LOC128462377: variants seen among roughly 807,000 people sequenced by gnomAD.
chr16:89,349,639 T>C, the LOC128462377 span, among the ~76,000 whole-genome samples: 1 of 152,164 alleles, frequency 6.6e-6, no homozygotes, highest in African/African-American at 2.4e-5. Context: ...CCTTATGCCA[T>C]ACACAAAAAT....
chr16:89,326,164 C>T, the LOC128462377 span, among the ~76,000 whole-genome samples: 1 of 152,188 alleles, frequency 6.6e-6, no homozygotes, highest in Non-Finnish European at 1.5e-5. Context: ...TACAATTGCA[C>T]AGCTAAAAAT....
chr16:89,413,934 T>A, the LOC128462377 span, among the ~76,000 whole-genome samples: 1 of 151,994 alleles, frequency 6.6e-6, no homozygotes. Context: ...ACCTCCAACC[T>A]GGCCACCCAG....
At chr16:89,385,074 C>T in the LOC128462377 span, among the ~76,000 whole-genome samples, 6 of 151,550 alleles carry the variant, frequency 4.0e-5, no homozygotes, top group Non-Finnish European at 5.9e-5. Context: ...TTAGTAGAGA[C>T]GATATTTCAC....
chr16:89,352,872 T>G, the LOC128462377 span, among the ~76,000 whole-genome samples: 1 of 152,216 alleles, frequency 6.6e-6, no homozygotes, highest in African/African-American at 2.4e-5. Flanking sequence ...CTTTCCCTCT[T>G]TTCTCTCACG....
chr16:89,318,885 C>G, the LOC128462377 span, among the ~76,000 whole-genome samples: 1,578 of 152,314 alleles, frequency 0.01, 24 homozygotes, highest in African/African-American at 0.035. Context: ...TCCCTGATGC[C>G]TGAGGCCAGA....
chr16:89,381,780 C>A, the LOC128462377 span, among the ~76,000 whole-genome samples: 1 of 152,138 alleles, frequency 6.6e-6, no homozygotes, highest in Admixed American at 6.5e-5. Flanking sequence ...ACTTTGTGAA[C>A]AAGTGTTCCC....
chr16:89,322,012 C>T, the LOC128462377 span, among the ~76,000 whole-genome samples: 1 of 152,210 alleles, frequency 6.6e-6, no homozygotes, highest in East Asian at 1.9e-4. Context: ...TCTACCCTAA[C>T]AGTAAGAGCA....
At chr16:89,338,726 C>CAAAAAAAA in the LOC128462377 span, among the ~76,000 whole-genome samples, 2 of 43,790 alleles carry the variant, frequency 4.6e-5, no homozygotes, top group African/African-American at 1.0e-4. Flanking sequence ...CACTCAGTCT[C>CAAAAAAAA]AAAAAAAAAA....
the LOC128462377 span, among the ~76,000 whole-genome samples, chr16:89,386,644 T>C: frequency 6.6e-6 from 1 of 152,144 alleles, no homozygotes; most frequent in Non-Finnish European, 1.5e-5. Context: ...CACAAATCTC[T>C]TCTCGTCCAG....
At chr16:89,332,249 T>C in the LOC128462377 span, among the ~76,000 whole-genome samples, 1 of 152,184 alleles carries the variant, frequency 6.6e-6, no homozygotes, top group Non-Finnish European at 1.5e-5. Context: ...AAGCAGACTA[T>C]AAACACTGAA....
At chr16:89,317,879 G>A in the LOC128462377 span, among the ~76,000 whole-genome samples, 12 of 152,168 alleles carry the variant, frequency 7.9e-5, no homozygotes, top group Admixed American at 2.6e-4. Flanking sequence ...GGGCTCCCAT[G>A]CAACCCAATC....
the LOC128462377 span, among the ~76,000 whole-genome samples, chr16:89,402,482 G>A: frequency 1.3e-4 from 20 of 152,152 alleles, no homozygotes; most frequent in African/African-American, 3.9e-4. Context: ...GAGTTCAAGA[G>A]CATCCTGGGA....
At chr16:89,397,940 C>A in the LOC128462377 span, among the ~76,000 whole-genome samples, 1 of 152,244 alleles carries the variant, frequency 6.6e-6, no homozygotes, top group Non-Finnish European at 1.5e-5. Context: ...GACCCTCAGA[C>A]ACTGATCTCC....
At chr16:89,363,255 C>T in the LOC128462377 span, among the ~76,000 whole-genome samples, 1 of 152,142 alleles carries the variant, frequency 6.6e-6, no homozygotes, top group Non-Finnish European at 1.5e-5. Flanking sequence ...CTATACTCTG[C>T]CTTCTGAAGC....
At chr16:89,391,757 A>AGACTTTCC in the LOC128462377 span, among the ~76,000 whole-genome samples, 109 of 152,356 alleles carry the variant, frequency 7.2e-4, no homozygotes, top group Admixed American at 1.3e-3. Context: ...TCCTCTTCAA[A>AGACTTTCC]GACTTTCCTC....
the LOC128462377 span, among the ~76,000 whole-genome samples, chr16:89,381,389 A>G: frequency 1.3e-5 from 2 of 151,390 alleles, no homozygotes; most frequent in African/African-American, 2.4e-5. Context: ...TCAGACTATT[A>G]GAAGCAAGAC....
the LOC128462377 span, among the ~76,000 whole-genome samples, chr16:89,396,711 G>C: frequency 2.6e-5 from 4 of 152,164 alleles, no homozygotes; most frequent in Non-Finnish European, 5.9e-5. Context: ...TTTTGGGACG[G>C]AGTTTTACTC....
At chr16:89,418,205 C>T in the LOC128462377 span, 1 of 442,890 alleles carries the variant, frequency 2.3e-6, no homozygotes, top group African/African-American at 2.0e-5. Flanking sequence ...AACCTGGACA[C>T]TCACGCATTA....
the LOC128462377 span, among the ~76,000 whole-genome samples, chr16:89,406,732 T>A: frequency 1.6e-4 from 24 of 152,104 alleles, no homozygotes; most frequent in African/African-American, 4.8e-4. Flanking sequence ...CAGTGCCTCC[T>A]TCACGCTGAT....
Sources: allele counts gnomAD v4.1 joint callset (sites outside exome capture counted in the v4.1 genomes callset), GRCh38; gene constraint gnomAD v4.1.1; transcripts MANE v1.5.